Variants in GASK1B observed in about 807,000 individuals in gnomAD.
The protein encoded by GASK1B is Golgi-associated kinase 1B.
GASK1B carries 34 observed loss-of-function variants against 42.8 expected under a neutral mutation model. The ratio of observed to expected loss-of-function variants is 0.79; its 90% CI spans 0.60 to 1.06. The LOEUF is 1.06. GASK1B is among the 50% of genes least tolerant of loss of function. GASK1B has a pLI of 0.00. For synonymous variants in GASK1B, 262 were observed against 259.1 expected (o/e 1.01, Z -0.11); for missense variants, 686 against 661.0 (o/e 1.04, Z -0.42).
intron 2 of GASK1B, chr4:158,169,973 G>T (rs1732399428): frequency 6.7e-6 from 3 of 448,596 alleles, no homozygotes; most frequent in South Asian, 4.3e-5. Context: ...AAAAAAAGGG[G>T]GGGTTAAACC....
intron 3 of GASK1B, 57 bp from the exon 4 acceptor site, chr4:158,131,069 T>G: frequency 6.9e-7 from 1 of 1,446,432 alleles, no homozygotes; most frequent in Admixed American, 1.9e-5. Flanking sequence ...CTTGGGAAAG[T>G]TACAAGATTT....
At chr4:158,170,410 G>T in intron 2 of GASK1B, 56 bp downstream of exon 2, 1 of 1,614,118 alleles carries the variant, frequency 6.2e-7, no homozygotes, top group African/African-American at 1.3e-5. Flanking sequence ...AGGGAAAAAA[G>T]AAAATGAACC....
At chr4:158,160,898 T>G (rs184573890) in intron 2 of GASK1B, among the ~76,000 whole-genome samples, 1 of 152,094 alleles carries the variant, frequency 6.6e-6, no homozygotes, top group Admixed American at 6.5e-5. Context: ...ATATGTGGAA[T>G]CTAAAAAAGT....
intron 2 of GASK1B, among the ~76,000 whole-genome samples, chr4:158,165,892 T>G (rs1351351664): frequency 6.6e-6 from 1 of 152,210 alleles, no homozygotes; most frequent in Non-Finnish European, 1.5e-5. Flanking sequence ...TTGTTAGGTA[T>G]GTATAATAGA....
At chr4:158,141,898 C>T (rs1191014296) in intron 3 of GASK1B, among the ~76,000 whole-genome samples, 9 of 144,900 alleles carry the variant, frequency 6.2e-5, no homozygotes, top group Admixed American at 3.5e-4. Flanking sequence ...TGAGCCACCG[C>T]GCCCGGCCGA....
Position 158,126,366 on chromosome 4 carries a change from C to T in GASK1B, c.*1041G>A, listed in dbSNP as rs559262646. 2 of 152,110 alleles carry T rather than the reference C, an allele frequency of 1.3e-5. No individual in the cohort carries two copies. Among genetic ancestry groups the T allele is most frequent in the South Asian group, 4.1e-4 (2 of 4,824 alleles). The allele number at this position is 152,110 out of a possible 1,614,324, so 9.4% of individuals were successfully genotyped here. ...CTAGTCATGAGGAAAATTGATCAGA[C>T]GCAGGTTTTAACTTATTTTGCTCAT... On this transcript the variant is annotated 3_prime_UTR_variant, in exon 5 of 5. Transcript: ENST00000585682.
intron 3 of GASK1B, among the ~76,000 whole-genome samples, chr4:158,147,639 A>T (rs886905910): frequency 6.6e-5 from 10 of 150,602 alleles, no homozygotes; most frequent in South Asian, 2.1e-4. Flanking sequence ...AATTTAAATT[A>T]AAAAAAAACT....
At chr4:158,150,422 T>A (rs1731514189) in intron 3 of GASK1B, among the ~76,000 whole-genome samples, 1 of 152,090 alleles carries the variant, frequency 6.6e-6, no homozygotes, top group African/African-American at 2.4e-5. Flanking sequence ...AAACACACTA[T>A]CTGAAGCATT....
intron 1 of GASK1B, chr4:158,172,569 T>C (rs534872597): frequency 3.3e-4 from 51 of 152,304 alleles, no homozygotes; most frequent in African/African-American, 1.2e-3. Context: ...TTAAAAACAA[T>C]AGTTAACAAA....
chr4:158,131,744 C>A lies in GASK1B; in HGVS notation c.1126-732G>T, dbSNP rs542312107. Among the ~76,000 whole-genome samples the A allele has an allele frequency of 1.4e-3, 206 of 152,236 alleles. 1 individual carries two copies. Among genetic ancestry groups the A allele is most frequent in the Non-Finnish European group, 2.0e-3 (134 of 68,006 alleles). On this transcript the variant is annotated intron_variant, in intron 3 of 4. Coordinates refer to ENST00000585682, the MANE Select transcript of GASK1B (RefSeq NM_001128424.2). ...TATTTATGAATCAGGTAAAATAAAG[C>A]CTGGGCAAAGGAATCAGATAAATTT...
chr4:158,154,347 T>C (rs963387136), intron 3 of GASK1B, among the ~76,000 whole-genome samples: 1 of 151,930 alleles, frequency 6.6e-6, no homozygotes, highest in African/African-American at 2.4e-5. Context: ...AGAATGGCCA[T>C]AATACAAAAT....
intron 2 of GASK1B, chr4:158,168,538 A>C (rs529924957): frequency 6.6e-6 from 1 of 152,290 alleles, no homozygotes; most frequent in South Asian, 2.1e-4. Flanking sequence ...ACTGGTTCTA[A>C]GTGTTTTCCC....
intron 2 of GASK1B, among the ~76,000 whole-genome samples, chr4:158,166,557 G>C (rs1184576139): frequency 1.3e-5 from 2 of 152,140 alleles, no homozygotes; most frequent in Non-Finnish European, 2.9e-5. Flanking sequence ...TTTGTTAAAT[G>C]TTTGTAAGAG....
intron 4 of GASK1B, among the ~76,000 whole-genome samples, chr4:158,129,809 G>A (rs946136633): frequency 2.6e-5 from 4 of 152,176 alleles, no homozygotes; most frequent in East Asian, 1.9e-4. Context: ...CCACCCTACC[G>A]CAGTCTCTTA....
At chr4:158,139,711 G>A (rs956997509) in intron 3 of GASK1B, among the ~76,000 whole-genome samples, 2 of 152,094 alleles carry the variant, frequency 1.3e-5, no homozygotes, top group Non-Finnish European at 2.9e-5. Context: ...TCTATCATAT[G>A]TTAATATAAA....
At chr4:158,170,396 A>G (rs766939439) in intron 2 of GASK1B, 70 bp downstream of exon 2, 7 of 1,614,136 alleles carry the variant, frequency 4.3e-6, no homozygotes, top group Non-Finnish European at 5.9e-6. Flanking sequence ...AGAAAAAGAG[A>G]GTGAGGGAAA....
chr4:158,128,449 A>G (rs1320587474), intron 4 of GASK1B, among the ~76,000 whole-genome samples: 1 of 152,230 alleles, frequency 6.6e-6, no homozygotes, highest in Non-Finnish European at 1.5e-5. Flanking sequence ...CTAGATCAAA[A>G]ACATAAGTAA....
In GASK1B at chr4:158,155,818, G is replaced by C; in HGVS notation, c.918C>G (p.Arg306=). The change falls in exon 3 of 5, where the codon CGC becomes CGG. Residue 306 remains arginine, a synonymous_variant. Coordinates refer to ENST00000585682, the MANE Select transcript of GASK1B (RefSeq NM_001128424.2). The stretch of plus-strand genomic sequence containing the variant: ...CATCCCAAAGAATGATGGGGCATGG[G>C]CGGCCATCTATAGAATCAGAAAAAC... ...SRKAEFIQDG[R]PCPIILWDAS... The C allele has an allele frequency of 6.2e-7, 1 of 1,613,560 alleles. No individual in the cohort carries two copies. The highest frequency in any genetic ancestry group is 8.5e-7 in the Non-Finnish European group (1 of 1,179,616).
intron 3 of GASK1B, among the ~76,000 whole-genome samples, chr4:158,143,127 G>C (rs1025703456): frequency 6.6e-6 from 1 of 152,124 alleles, no homozygotes; most frequent in Non-Finnish European, 1.5e-5. Context: ...ATCTTCTAGT[G>C]ATACATACTG....
Sources: gnomAD v4.1 joint callset for allele counts (sites outside exome capture counted in the v4.1 genomes callset) on GRCh38, gnomAD v4.1.1 for gene constraint, MANE v1.5 for transcripts, NCBI Gene and HGNC (gene_info 2026-07-23, HGNC 2026-07-21) for gene names.